The following MGST1 variants were observed in gnomAD, a reference collection of about 807,000 sequenced individuals.
The protein encoded by MGST1 is microsomal glutathione S-transferase 1.
MGST1 carries 5 observed loss-of-function variants against 8.9 expected under a neutral mutation model. The ratio of observed to expected loss-of-function variants is 0.56; its 90% CI spans 0.29 to 1.19. MGST1 has a LOEUF of 1.19. MGST1 is among the 50% of genes most tolerant of loss of function. MGST1 has a pLI of 0.08. For synonymous variants in MGST1, 54 were observed against 67.8 expected, an observed-to-expected ratio of 0.80 and a Z score of 1.00; for missense variants, 182 against 187.4, an observed-to-expected ratio of 0.97 and a Z score of 0.17.
chr12:16,402,481 C>T (rs951417622), intron 1 of MGST1: 9 of 1,477,274 alleles, frequency 6.1e-6, no homozygotes, highest in Non-Finnish European at 8.5e-6. Flanking sequence ...GCTCTGCCAC[C>T]TGCTCTCGGC....
At chr12:16,505,564 C>T (rs115386248) in intron 4 of MGST1, among the ~76,000 whole-genome samples, 2,218 of 152,216 alleles carry the variant, frequency 0.015, 54 homozygotes, top group African/African-American at 0.05. Flanking sequence ...CGAGATATAC[C>T]AATACGGCAC....
chr12:16,566,378 T>A (rs899002326), intron 4 of MGST1, among the ~76,000 whole-genome samples: 3 of 151,770 alleles, frequency 2.0e-5, no homozygotes, highest in Non-Finnish European at 4.4e-5. Flanking sequence ...CTGTATATTA[T>A]AAAATAGGTA....
At chr12:16,380,797 T>C (rs1456381995), downstream of MGST1, among the ~76,000 whole-genome samples, 1 of 152,202 alleles carries the variant, frequency 6.6e-6, no homozygotes, top group Non-Finnish European at 1.5e-5. Context: ...TGTAGGTCAC[T>C]GATGACTTGC....
intron 1 of MGST1, among the ~76,000 whole-genome samples, chr12:16,433,195 C>A (rs755199481): frequency 6.6e-6 from 1 of 152,038 alleles, no homozygotes; most frequent in Non-Finnish European, 1.5e-5. Context: ...GAGGCTTAGC[C>A]AGTCTAATCT....
intron 4 of MGST1, among the ~76,000 whole-genome samples, chr12:16,579,292 C>G (rs1943089377): frequency 6.6e-6 from 1 of 152,122 alleles, no homozygotes; most frequent in Non-Finnish European, 1.5e-5. Flanking sequence ...CAAATTTGTT[C>G]AGATAATTAT....
chr12:16,479,168 C>T (rs934871092), intron 4 of MGST1, among the ~76,000 whole-genome samples: 2 of 149,756 alleles, frequency 1.3e-5, no homozygotes, highest in African/African-American at 2.5e-5. Flanking sequence ...TGCTTCATCC[C>T]TTTTTATGCT....
intron 1 of MGST1, among the ~76,000 whole-genome samples, chr12:16,424,659 G>T (rs1416236560): frequency 6.6e-6 from 1 of 152,084 alleles, no homozygotes; most frequent in African/African-American, 2.4e-5. Flanking sequence ...TGACACTCCA[G>T]TTTCACATCT....
intron 1 of MGST1, among the ~76,000 whole-genome samples, chr12:16,415,508 G>A (rs1435388231): frequency 6.6e-6 from 1 of 152,104 alleles, no homozygotes; most frequent in Non-Finnish European, 1.5e-5. Flanking sequence ...ACTCAACATG[G>A]AAACAACCAG....
chr12:16,376,442 C>A (rs1049042967), exon 4 of MGST1: 4 of 239,426 alleles, frequency 1.7e-5, no homozygotes, highest in South Asian at 2.2e-4. Context: ...AAAGAAAATG[C>A]AAAGGATTAA....
At chr12:16,406,502 G>A (rs1018125694) in intron 1 of MGST1, among the ~76,000 whole-genome samples, 1 of 152,176 alleles carries the variant, frequency 6.6e-6, no homozygotes, top group African/African-American at 2.4e-5. Flanking sequence ...GCAATTTATA[G>A]ATTCAATGCT....
rs1941969783 is a variant in MGST1, at chr12:16,551,051, G to C, written n.483-38477G>C. ...ATAATAAACATTCAACTCTGAACTG[G>C]GGCAATTTCACTACATACAGATGCA... is the stretch of plus-strand genomic sequence containing the variant. On this transcript the variant is annotated intron_variant and non_coding_transcript_variant, in intron 4 of 4. Transcript: ENST00000538857. 7.6e-6 allele frequency: 4 copies of C among 526,924 alleles called. No individual in the cohort carries two copies. The South Asian group carries it at 1.3e-4, about 17-fold the overall frequency. 32.6% of individuals were successfully genotyped at this position (526,924 alleles called of 1,614,324 possible).
downstream of MGST1, among the ~76,000 whole-genome samples, chr12:16,368,283 A>G (rs943208794): frequency 6.6e-6 from 1 of 152,190 alleles, no homozygotes; most frequent in East Asian, 1.9e-4. Flanking sequence ...TCTATAAACC[A>G]TTCACCTGAG....
At chr12:16,429,821 T>C (rs1940923012) in intron 1 of MGST1, among the ~76,000 whole-genome samples, 3 of 152,110 alleles carry the variant, frequency 2.0e-5, no homozygotes, top group Admixed American at 2.0e-4. Context: ...CTTATCAGGG[T>C]GGTGGTTGTT....
intron 4 of MGST1, among the ~76,000 whole-genome samples, chr12:16,526,783 G>T (rs1257114338): frequency 2.0e-5 from 3 of 151,966 alleles, no homozygotes; most frequent in African/African-American, 7.2e-5. Context: ...GAGCCAGGAA[G>T]GGAGAAGCCC....
intron 4 of MGST1, among the ~76,000 whole-genome samples, chr12:16,566,724 C>A (rs967052275): frequency 4.0e-5 from 6 of 151,856 alleles, no homozygotes; most frequent in Non-Finnish European, 8.8e-5. Flanking sequence ...ACAGATCATG[C>A]CAAAACAGAA....
At chr12:16,476,739 A>C (rs1941326345) in intron 4 of MGST1, among the ~76,000 whole-genome samples, 1 of 152,230 alleles carries the variant, frequency 6.6e-6, no homozygotes, top group Non-Finnish European at 1.5e-5. Flanking sequence ...GATAAAGAGC[A>C]TTCCAGATTG....
intron 4 of MGST1, among the ~76,000 whole-genome samples, chr12:16,571,995 A>G (rs1178233593): frequency 1.3e-5 from 2 of 152,036 alleles, no homozygotes; most frequent in Non-Finnish European, 2.9e-5. Context: ...AAAATCCCAC[A>G]TTATCAAAAT....
At chr12:16,367,688 A>C (rs1170120419), downstream of MGST1, among the ~76,000 whole-genome samples, 1 of 152,198 alleles carries the variant, frequency 6.6e-6, no homozygotes, top group Non-Finnish European at 1.5e-5. Flanking sequence ...GCTTAAGACT[A>C]AGACAATCTG....
At chr12:16,440,141 A>C (rs1407265162), downstream of MGST1, among the ~76,000 whole-genome samples, 4 of 151,864 alleles carry the variant, frequency 2.6e-5, no homozygotes, top group African/African-American at 9.6e-5. Flanking sequence ...TCCTAATTTA[A>C]ATAGAGTAGA....
Sources: gnomAD v4.1 joint callset for allele counts (sites outside exome capture counted in the v4.1 genomes callset) on GRCh38, gnomAD v4.1.1 for gene constraint, MANE v1.5 for transcripts, NCBI Gene and HGNC (gene_info 2026-07-23, HGNC 2026-07-21) for gene names.